Variants in COL6A1 observed in about 807,000 individuals in gnomAD.
COL6A1 encodes the protein collagen type VI alpha 1 chain, also known as collagen alpha-1(VI) chain.
In COL6A1, 80 loss-of-function variants were observed where a neutral mutation model predicts 145.6. That is an observed-to-expected ratio of 0.55 (90% confidence interval 0.46 to 0.66). The LOEUF (loss-of-function observed/expected upper bound fraction) is 0.66, where lower values mean the gene tolerates loss of function less well. COL6A1 is among the 30% of genes least tolerant of loss of function. COL6A1 has a pLI of 0.00. For missense variants in COL6A1, 1,364 were observed against 1,473.8 expected (o/e 0.93, Z 1.22); for synonymous variants, 638 against 622.8 (o/e 1.02, Z -0.36).
intron 2 of COL6A1, among the ~76,000 whole-genome samples, 160 bp downstream of exon 2, chr21:45,982,923 G>A (rs552597256): frequency 5.0e-4 from 76 of 152,240 alleles, no homozygotes; most frequent in African/African-American, 1.8e-3. Context: ...GAGTGAGGCC[G>A]GGGCCCTTTC....
chr21:45,994,875 C>T lies in COL6A1; in HGVS notation c.1398+646C>T, dbSNP rs1017184989. ...CCACGGGGACAGGAAGGCCTCCACACGGTCACGCCCGGAGACAGCAAGTCT... is the reference window on the plus strand; with the variant it reads ...CCACGGGGACAGGAAGGCCTCCACATGGTCACGCCCGGAGACAGCAAGTCT... On this transcript the variant is annotated intron_variant, in intron 20 of 34. Transcript: ENST00000361866. This position sits in a 1 kb window ranked among gnomAD's most constrained non-coding sequence, Gnocchi z 6.8. Among the ~76,000 whole-genome samples, 16 of 152,310 alleles carry T rather than the reference C, an allele frequency of 1.1e-4. No homozygotes were observed. Among genetic ancestry groups the T allele is most frequent in the Admixed American group, 3.9e-4 (6 of 15,302 alleles).
intron 29 of COL6A1, 118 bp from the exon 30 acceptor site, chr21:46,001,135 G>T (rs556417364): frequency 3.6e-6 from 5 of 1,399,576 alleles, no homozygotes; most frequent in Non-Finnish European, 4.9e-6. Flanking sequence ...TGAGACGGGG[G>T]GACCCCAACG....
At chr21:45,982,238 G>T (rs1015166401) in intron 1 of COL6A1, among the ~76,000 whole-genome samples, 1 of 152,174 alleles carries the variant, frequency 6.6e-6, no homozygotes, top group Non-Finnish European at 1.5e-5. Context: ...GGCGCCCCGT[G>T]AATCCGTTTG....
intron 33 of COL6A1, among the ~76,000 whole-genome samples, 183 bp from the exon 34 acceptor site, chr21:46,002,937 C>T (rs956744968): frequency 7.9e-5 from 12 of 152,144 alleles, no homozygotes; most frequent in Non-Finnish European, 1.2e-4. Flanking sequence ...TCCAGGGGCA[C>T]GGCCACCCTG....
At chr21:45,986,185 C>T (rs1056172655) in intron 3 of COL6A1, among the ~76,000 whole-genome samples, 1 of 152,176 alleles carries the variant, frequency 6.6e-6, no homozygotes, top group Non-Finnish European at 1.5e-5. Context: ...GTAGACGCGG[C>T]GGGCATCTCG....
At chr21:45,996,882 G>A (rs773693108) in intron 20 of COL6A1, among the ~76,000 whole-genome samples, 1 of 152,216 alleles carries the variant, frequency 6.6e-6, no homozygotes, top group Non-Finnish European at 1.5e-5. Context: ...AGGTGCAGGT[G>A]GGGGCAGGGT....
chr21:45,984,793 CAG>C (rs751341369), intron 3 of COL6A1, among the ~76,000 whole-genome samples: 29 of 146,498 alleles, frequency 2.0e-4, no homozygotes, highest in African/African-American at 4.8e-4. Flanking sequence ...GACAGAGACA[CAG>C]AGAGAGACAC....
chr21:45,992,729 T>C lies in COL6A1; in HGVS notation c.1273-19T>C. On this transcript the variant is annotated intron_variant, in intron 18 of 34. Transcript: ENST00000361866. ...GTTCCAGCAGCTGAGGCTTCTCCCCTCCATGTCTCTCCACTCAGGGTGGCC... is the reference window on the plus strand; with the variant it reads ...GTTCCAGCAGCTGAGGCTTCTCCCCCCCATGTCTCTCCACTCAGGGTGGCC... 1 of 1,576,742 alleles carries C rather than the reference T, an allele frequency of 6.3e-7. No individual in the cohort carries two copies. Among genetic ancestry groups the C allele is most frequent in the Non-Finnish European group, 8.6e-7 (1 of 1,160,868 alleles).
chr21:45,996,735 G>A (rs368986565), intron 20 of COL6A1, among the ~76,000 whole-genome samples: 18 of 152,280 alleles, frequency 1.2e-4, no homozygotes, highest in African/African-American at 4.3e-4. Flanking sequence ...GCTAGACTCC[G>A]AAGGGCAGGG....
chr21:45,997,881 G>A (rs2077815321), intron 22 of COL6A1, 119 bp downstream of exon 22: 1 of 1,199,424 alleles, frequency 8.3e-7, no homozygotes, highest in Non-Finnish European at 1.2e-6. Context: ...AGTGCCCGCA[G>A]CATCACTGGC....
intron 16 of COL6A1, 31 bp from the exon 17 acceptor site, chr21:45,992,133 G>A (rs2077780234): frequency 6.2e-7 from 1 of 1,613,490 alleles, no homozygotes; most frequent in African/African-American, 1.3e-5. Context: ...TCAAGGAGAT[G>A]GAGCGACCAT....
intron 16 of COL6A1, 26 bp from the exon 17 acceptor site, chr21:45,992,138 G>A (rs765877342): frequency 1.7e-5 from 28 of 1,613,456 alleles, no homozygotes; most frequent in East Asian, 2.2e-5. Flanking sequence ...GAGATGGAGC[G>A]ACCATTCAAC....
intron 20 of COL6A1, 67 bp from the exon 21 acceptor site, chr21:45,997,354 T>G: frequency 6.9e-7 from 1 of 1,455,496 alleles, no homozygotes; most frequent in Non-Finnish European, 9.6e-7. Context: ...ACCCTCAGCT[T>G]AGGGTCAGGG....
In COL6A1 at chr21:45,994,626, G is replaced by A. The variant is rs1300779015; in HGVS notation, c.1398+397G>A. ...GCATGACTGTGGCTGGAGGTCAACT[G>A]GGGAGTGTGAGGCTATGGAGGTTTC... On this transcript the variant is annotated intron_variant, in intron 20 of 34. Transcript: ENST00000361866. The surrounding 1 kb of genome is among the most constrained non-coding windows in gnomAD (Gnocchi z 6.8). Among the ~76,000 whole-genome samples the A allele has an allele frequency of 6.6e-6, 1 of 152,170 alleles. No individual in the cohort carries two copies. The highest frequency in any genetic ancestry group is 2.4e-5 in the African/African-American group (1 of 41,422).
chr21:45,987,489 C>G lies in COL6A1; in HGVS notation c.739-10C>G, dbSNP rs886044087. On this transcript the variant is annotated splice_polypyrimidine_tract_variant and intron_variant, in intron 6 of 34. Coordinates refer to ENST00000361866, the MANE Select transcript of COL6A1 (RefSeq NM_001848.3). ...TCCCACTGACTCGTCTCCATGCTTT[C>G]CCCCCACAGTGCTGCTCCTTCGAAT... 1 of 1,612,770 alleles carries G rather than the reference C, an allele frequency of 6.2e-7. No individual in the cohort carries two copies. Among genetic ancestry groups the G allele is most frequent in the African/African-American group, 1.3e-5 (1 of 74,944 alleles).
intron 3 of COL6A1, among the ~76,000 whole-genome samples, chr21:45,985,389 CAGAG>C (rs778833212): frequency 1.1e-4 from 16 of 147,318 alleles, no homozygotes; most frequent in South Asian, 2.1e-4. Flanking sequence ...CAGAGACAGA[CAGAG>C]AGACAGGGAC....
intron 3 of COL6A1, among the ~76,000 whole-genome samples, chr21:45,986,264 C>T (rs1245268881): frequency 2.0e-5 from 3 of 152,196 alleles, no homozygotes; most frequent in Non-Finnish European, 4.4e-5. Flanking sequence ...CAGGGCACCC[C>T]AGGAACCGAG....
chr21:45,997,685 C>A lies in COL6A1; in HGVS notation c.1462-15C>A, dbSNP rs1369365476. ...TGCTAAGCCTGCTCCCCTCACGCCTCCTCTTCCTCCTCAGGGTGCCAGAGG... is the reference window on the plus strand; with the variant it reads ...TGCTAAGCCTGCTCCCCTCACGCCTACTCTTCCTCCTCAGGGTGCCAGAGG... On this transcript the variant is annotated splice_polypyrimidine_tract_variant and intron_variant, in intron 21 of 34. Coordinates refer to ENST00000361866, the MANE Select transcript of COL6A1 (RefSeq NM_001848.3). 2 of 1,580,634 alleles carry A rather than the reference C, an allele frequency of 1.3e-6. No homozygotes were observed. The highest frequency in any genetic ancestry group is 8.6e-7 in the Non-Finnish European group (1 of 1,163,292).
intron 20 of COL6A1, among the ~76,000 whole-genome samples, chr21:45,995,237 G>T (rs992268499): frequency 6.6e-6 from 1 of 152,256 alleles, no homozygotes; most frequent in Non-Finnish European, 1.5e-5. Context: ...TCACGGCAGG[G>T]GCAGAAAGGG....
Sources: allele counts gnomAD v4.1 joint callset (sites outside exome capture counted in the v4.1 genomes callset), GRCh38; gene constraint gnomAD v4.1.1; non-coding constraint Gnocchi (gnomAD v3.1); transcripts MANE v1.5; gene names NCBI Gene and HGNC (gene_info 2026-07-23, HGNC 2026-07-21).